The following ITPRIP variants were observed in gnomAD, a reference collection of about 807,000 sequenced individuals.
ITPRIP encodes inositol 1,4,5-trisphosphate receptor interacting protein.
In ITPRIP, 32 loss-of-function variants were observed where a neutral mutation model predicts 35.8. The observed-to-expected ratio is 0.89, with a 90% CI of 0.68 to 1.20. The LOEUF (loss-of-function observed/expected upper bound fraction) is 1.20, where lower values mean the gene tolerates loss of function less well. Ranked by LOEUF, ITPRIP falls within the 50% of genes most tolerant of loss-of-function variation. The pLI, the probability that ITPRIP is intolerant of heterozygous loss-of-function variation, is 0.00. For missense variants in ITPRIP, 653 were observed against 735.6 expected (o/e 0.89, Z 1.30); for synonymous variants, 358 against 324.0 (o/e 1.11, Z -1.13).
chr10:104,338,037 C>A lies in ITPRIP; in HGVS notation c.-14+209G>T, dbSNP rs574906472. Among the ~76,000 whole-genome samples the A allele has an allele frequency of 9.9e-5, 15 of 152,246 alleles. No individual in the cohort carries two copies. In the East Asian group the frequency reaches 2.9e-3, roughly 30 times the overall value. On this transcript the variant is annotated intron_variant, in intron 1 of 1. Coordinates refer to ENST00000337478, the MANE Select transcript of ITPRIP (RefSeq NM_001272013.2). ...GCGGCGGGAACAGGATGCGGGACCG[C>A]GAGGAGACAATACGCCCGCCTGGGC...
chr10:104,321,325 G>T lies in ITPRIP; in HGVS notation c.-13-5261C>A, dbSNP rs548915897. Among the ~76,000 whole-genome samples the T allele has an allele frequency of 6.6e-5, 10 of 152,312 alleles. No homozygotes were observed. The South Asian group carries it at 1.9e-3, about 28-fold the overall frequency. On this transcript the variant is annotated intron_variant, in intron 1 of 1. Coordinates refer to ENST00000337478, the MANE Select transcript of ITPRIP (RefSeq NM_001272013.2). The stretch of plus-strand genomic sequence containing the variant: ...CACCTCTGCCCTTGTCCACAGAGAG[G>T]GGCGGCCCATGCAGTTCACAGCTAA...
At chr10:104,324,330 GA>G (rs2013932515) in intron 1 of ITPRIP, among the ~76,000 whole-genome samples, 2 of 152,352 alleles carry the variant, frequency 1.3e-5, no homozygotes, top group South Asian at 4.1e-4. Context: ...ACAGGAGAGG[GA>G]ATATAGAGGG....
Position 104,333,377 on chromosome 10 carries a change from T to A in ITPRIP, c.-14+4869A>T, listed in dbSNP as rs918430264. 1.3e-5 allele frequency: 2 copies of A among 152,300 alleles called. No individual in the cohort carries two copies. Among genetic ancestry groups the A allele is most frequent in the African/African-American group, 4.8e-5 (2 of 41,444 alleles). The allele number at this position is 152,300 out of a possible 1,614,324, so 9.4% of individuals were successfully genotyped here. ...CCTTCTATGTCCCTTCCCTTCAACA[T>A]GCGTCTCACACTTGAGGCCGATTTT... is the stretch of plus-strand genomic sequence containing the variant. On this transcript the variant is annotated intron_variant, in intron 1 of 1. Coordinates refer to ENST00000337478, the MANE Select transcript of ITPRIP (RefSeq NM_001272013.2). This position sits in a 1 kb window ranked among gnomAD's most constrained non-coding sequence, Gnocchi z 4.1.
In ITPRIP at chr10:104,314,917, C is replaced by T. The variant is rs1298882652; in HGVS notation, c.1135G>A (p.Asp379Asn). 1 of 1,613,634 alleles carries T rather than the reference C, an allele frequency of 6.2e-7. No homozygotes were observed. Among genetic ancestry groups the T allele is most frequent in the Non-Finnish European group, 8.5e-7 (1 of 1,180,026 alleles). ...PSEGTPASST[D>N]WLLSFAVYER... ...TAGACAGCAAAGGACAGGAGCCAGT[C>T]TGTGCTGGAGGCTGGGGTGCCCTCA... Residue 379 changes from aspartate (D) to asparagine (N), a missense_variant, in exon 2 of 2, where the codon GAC becomes AAC. Asp to Asn is a conservative substitution (Grantham distance 23, BLOSUM62 1). Coordinates refer to ENST00000337478, the MANE Select transcript of ITPRIP (RefSeq NM_001272013.2).
Position 104,333,484 on chromosome 10 carries a change from TGTCAC to T in ITPRIP, c.-14+4757_-14+4761del, listed in dbSNP as rs2014189115. 1 of 152,222 alleles carries T rather than the reference TGTCAC, an allele frequency of 6.6e-6. No homozygotes were observed. 9.4% of individuals were successfully genotyped at this position (152,222 alleles called of 1,614,324 possible). A position where few individuals can be genotyped will look rare whatever the true frequency, so the allele number is the denominator to read the frequency against. ...CTGCAGGGTGCTTCCGTTTCACTGA[TGTCAC>T]GGGGTGGGCCTAACAGATAGAGGGG... is the stretch of plus-strand genomic sequence containing the variant. On this transcript the variant is annotated intron_variant, in intron 1 of 1. Coordinates refer to ENST00000337478, the MANE Select transcript of ITPRIP (RefSeq NM_001272013.2). This position sits in a 1 kb window ranked among gnomAD's most constrained non-coding sequence, Gnocchi z 4.1.
chr10:104,320,216 C>T (rs1459741700), intron 1 of ITPRIP, among the ~76,000 whole-genome samples: 1 of 151,096 alleles, frequency 6.6e-6, no homozygotes, highest in East Asian at 1.9e-4. Flanking sequence ...CTTCCTGATC[C>T]AGGAGAGATG....
At position 104,310,678 on chromosome 10, in the gene ITPRIP, G is replaced by C. The variant is rs373695289; in HGVS notation, c.*3730C>G. ...TGTGTGCATTAACAAATGTGTGTGCGGAACGGTGCCTGCCATACAGTAGGT... is the reference window on the plus strand; with the variant it reads ...TGTGTGCATTAACAAATGTGTGTGCCGAACGGTGCCTGCCATACAGTAGGT... On this transcript the variant is annotated 3_prime_UTR_variant, in exon 2 of 2. Coordinates refer to ENST00000337478, the MANE Select transcript of ITPRIP (RefSeq NM_001272013.2). The C allele has an allele frequency of 1.3e-5, 2 of 152,148 alleles. No individual in the cohort carries two copies. Among genetic ancestry groups the C allele is most frequent in the East Asian group, 1.9e-4 (1 of 5,192 alleles). 9.4% of individuals were successfully genotyped at this position (152,148 alleles called of 1,614,324 possible).
intron 1 of ITPRIP, among the ~76,000 whole-genome samples, chr10:104,330,558 A>G (rs1457651997): frequency 6.6e-6 from 1 of 152,218 alleles, no homozygotes; most frequent in African/African-American, 2.4e-5. Flanking sequence ...CTTCTTGCTC[A>G]AGCTTCTTGT....
chr10:104,329,354 C>G (rs1409304128), intron 1 of ITPRIP, among the ~76,000 whole-genome samples: 1 of 152,128 alleles, frequency 6.6e-6, no homozygotes, highest in Non-Finnish European at 1.5e-5. Context: ...AGCAAAATTG[C>G]TCCCAGAAGT....
chr10:104,312,139 C>T lies in ITPRIP; in HGVS notation c.*2269G>A, dbSNP rs1589884291. 2 of 152,338 alleles carry T rather than the reference C, an allele frequency of 1.3e-5. No individual in the cohort carries two copies. The highest frequency in any genetic ancestry group is 1.9e-4 in the East Asian group (1 of 5,190). 9.4% of individuals were successfully genotyped at this position (152,338 alleles called of 1,614,324 possible). A position where few individuals can be genotyped will look rare whatever the true frequency, so the allele number is the denominator to read the frequency against. On this transcript the variant is annotated 3_prime_UTR_variant, in exon 2 of 2. Coordinates refer to ENST00000337478, the MANE Select transcript of ITPRIP (RefSeq NM_001272013.2). Reference sequence around the variant, plus strand: ...AAAACAAACAGTGACCATTTCTACTCCTTGCAAGATTTAATTCTTCCTTTA... The same window carrying T: ...AAAACAAACAGTGACCATTTCTACTTCTTGCAAGATTTAATTCTTCCTTTA...
intron 1 of ITPRIP, among the ~76,000 whole-genome samples, chr10:104,320,723 A>T (rs1407727246): frequency 6.6e-6 from 1 of 151,966 alleles, no homozygotes; most frequent in Non-Finnish European, 1.5e-5. Flanking sequence ...TTTCTAGTAG[A>T]GACAGGTTTT....
intron 1 of ITPRIP, among the ~76,000 whole-genome samples, chr10:104,324,809 G>A (rs901576757): frequency 2.0e-4 from 30 of 152,190 alleles, no homozygotes; most frequent in Non-Finnish European, 3.7e-4. Context: ...CACACATTCT[G>A]TGCACCCAGA....
chr10:104,317,202 A>G (rs2013715188), intron 1 of ITPRIP, among the ~76,000 whole-genome samples: 1 of 152,192 alleles, frequency 6.6e-6, no homozygotes, highest in South Asian at 2.1e-4. Context: ...GCAAAGAATC[A>G]CTAATTTCTT....
intron 1 of ITPRIP, among the ~76,000 whole-genome samples, chr10:104,317,696 A>G (rs534146447): frequency 6.6e-6 from 1 of 152,306 alleles, no homozygotes; most frequent in Non-Finnish European, 1.5e-5. Flanking sequence ...ACACTGGCTG[A>G]TAGGAGCTAC....
Position 104,313,563 on chromosome 10 carries a change from T to G in ITPRIP, c.*845A>C. On this transcript the variant is annotated 3_prime_UTR_variant, in exon 2 of 2. Transcript: ENST00000337478. ...AGCATCTGTCCTCCCCCTACCACAA[T>G]GATAGTCAGAAAGACCAGCTTTGGA... 1 of 985,436 alleles carries G rather than the reference T, an allele frequency of 1.0e-6. No individual in the cohort carries two copies. Among genetic ancestry groups the G allele is most frequent in the Non-Finnish European group, 1.2e-6 (1 of 829,988 alleles). 61.0% of individuals were successfully genotyped at this position (985,436 alleles called of 1,614,324 possible).
chr10:104,321,590 C>A (rs1190170409), intron 1 of ITPRIP, among the ~76,000 whole-genome samples: 1 of 152,196 alleles, frequency 6.6e-6, no homozygotes, highest in Non-Finnish European at 1.5e-5. Context: ...ATAGCTTAAT[C>A]CAATAAACAC....
rs566687621 is a variant in ITPRIP at position 104,331,333 on chromosome 10, G to A, written c.-14+6913C>T. ...CAAAGTCTCAGCAAACAAAGGACGC[G>A]TTCGTAAACTTCAGGCGGGTCCCCC... On this transcript the variant is annotated intron_variant, in intron 1 of 1. Transcript: ENST00000337478. 6.6e-5 allele frequency among the ~76,000 whole-genome samples: 10 copies of A among 152,332 alleles called. No individual in the cohort carries two copies. In the East Asian group the frequency reaches 9.7e-4, roughly 15 times the overall value.
At position 104,312,610 on chromosome 10, in the gene ITPRIP, CAA is replaced by C. The variant is rs2013516208; in HGVS notation, c.*1796_*1797del. ...AACTGCGTCTAGGGAGAGGCAGGCC[CAA>C]GCACATGTTCAGTCTAATTCCAGCT... On this transcript the variant is annotated 3_prime_UTR_variant, in exon 2 of 2. Transcript: ENST00000337478. 1 of 985,320 alleles carries C rather than the reference CAA, an allele frequency of 1.0e-6. No individual in the cohort carries two copies. The highest frequency in any genetic ancestry group is 1.2e-6 in the Non-Finnish European group (1 of 829,972). 61.0% of individuals were successfully genotyped at this position (985,320 alleles called of 1,614,324 possible). A position where few individuals can be genotyped will look rare whatever the true frequency, so the allele number is the denominator to read the frequency against.
Position 104,314,573 on chromosome 10 carries a change from G to A in ITPRIP, c.1479C>T (p.Ala493=), listed in dbSNP as rs147963751. 142 of 1,614,178 alleles carry A rather than the reference G, an allele frequency of 8.8e-5. 1 individual carries two copies. Among genetic ancestry groups the A allele is most frequent in the Middle Eastern group, 1.6e-4 (1 of 6,062 alleles). ...GGTTGAGGGGCTCGGCCCTGAGCAC[G>A]GCCTCAGGGAGTCCCATGGCCTCAG... ...KVPEAMGLPE[A]VLRAEPLNLF... is the part of the protein sequence containing the mutation. The change falls in exon 2 of 2, where the codon GCC becomes GCT. Residue 493 remains alanine (A), a synonymous_variant. Coordinates refer to ENST00000337478, the MANE Select transcript of ITPRIP (RefSeq NM_001272013.2).
Sources: allele counts gnomAD v4.1 joint callset (sites outside exome capture counted in the v4.1 genomes callset), GRCh38; gene constraint gnomAD v4.1.1; non-coding constraint Gnocchi (gnomAD v3.1); transcripts MANE v1.5; gene names NCBI Gene and HGNC (gene_info 2026-07-23, HGNC 2026-07-21).